The following EHMT1 variants were observed in gnomAD, a reference collection of about 807,000 sequenced individuals.
The protein encoded by EHMT1 is histone-lysine N-methyltransferase EHMT1.
In EHMT1, 15 loss-of-function variants were observed where a neutral mutation model predicts 147.2. The observed-to-expected ratio is 0.10, with a 90% confidence interval of 0.07 to 0.16. The LOEUF is 0.16. Among genes scored for constraint, EHMT1 ranks in the 10% least tolerant of loss-of-function variants. The pLI, the probability that EHMT1 is intolerant of heterozygous loss-of-function variation, is 1.00. For synonymous variants in EHMT1, 795 were observed against 709.6 expected (o/e 1.12, Z -1.91); for missense variants, 1,587 against 1,772.4 (o/e 0.90, Z 1.88).
chr9:137,718,427 C>T (rs1002502979), intron 3 of EHMT1, among the ~76,000 whole-genome samples: 4 of 152,244 alleles, frequency 2.6e-5, no homozygotes, highest in Admixed American at 2.0e-4. Context: ...TCTGACAGCA[C>T]TTTCTTGTCA....
chr9:137,737,893 TTAAA>T (rs1210547662), intron 4 of EHMT1, among the ~76,000 whole-genome samples: 1 of 152,140 alleles, frequency 6.6e-6, no homozygotes, highest in African/African-American at 2.4e-5. Context: ...AACAACTTGA[TTAAA>T]AAATCAGCAA....
In EHMT1 at chr9:137,796,783, T is replaced by C. The variant is rs1203416025; in HGVS notation, c.2506-2030T>C. Among the ~76,000 whole-genome samples the C allele has an allele frequency of 4.8e-5, 3 of 62,624 alleles. No homozygotes were observed. The Admixed American group carries it at 6.5e-4, about 14-fold the overall frequency. 41.1% of individuals were successfully genotyped at this position (62,624 alleles called of 152,430 possible). On this transcript the variant is annotated intron_variant, in intron 16 of 26. Transcript: ENST00000460843. The stretch of plus-strand genomic sequence containing the variant: ...AACGTGCAGTTCCCAGAAAAAGAAA[T>C]ACATGCATATGACCAACAAGCAGAT...
At chr9:137,718,760 C>CTTTTTT (rs780405612) in intron 3 of EHMT1, among the ~76,000 whole-genome samples, 13 of 136,292 alleles carry the variant, frequency 9.5e-5, no homozygotes, top group African/African-American at 2.0e-4. Context: ...TTTTCTTTTT[C>CTTTTTT]TTTTTTTTTT....
At chr9:137,821,961 A>T (rs1446366665) in intron 25 of EHMT1, among the ~76,000 whole-genome samples, 2 of 152,166 alleles carry the variant, frequency 1.3e-5, no homozygotes, top group African/African-American at 2.4e-5. Flanking sequence ...AATTAATTTA[A>T]ATACAGTAAA....
At position 137,823,349 on chromosome 9, in the gene EHMT1, C is replaced by T. The variant is rs546492994; in HGVS notation, c.3540+5211C>T. ...TCCTGACCTTGTGATCTGCCCATCT[C>T]GGCCTCCCAAAGTGCTGGGATTACA... On this transcript the variant is annotated intron_variant, in intron 25 of 26. Coordinates refer to ENST00000460843, the MANE Select transcript of EHMT1 (RefSeq NM_024757.5). 95 of 312,098 alleles carry T rather than the reference C, an allele frequency of 3.0e-4. 2 individuals are homozygous for T. In the East Asian group the frequency reaches 4.9e-3, roughly 16 times the overall value. The allele number at this position is 312,098 out of a possible 1,614,324, so 19.3% of individuals were successfully genotyped here. A position where few individuals can be genotyped will look rare whatever the true frequency, so the allele number is the denominator to read the frequency against.
chr9:137,654,796 T>C (rs1938258651), intron 1 of EHMT1, among the ~76,000 whole-genome samples: 1 of 152,108 alleles, frequency 6.6e-6, no homozygotes, highest in South Asian at 2.1e-4. Context: ...ACGTTAGAGC[T>C]GAACAGGGAA....
chr9:137,714,496 A>G (rs1945022471), intron 2 of EHMT1, among the ~76,000 whole-genome samples: 1 of 150,196 alleles, frequency 6.7e-6, no homozygotes, highest in Non-Finnish European at 1.5e-5. Flanking sequence ...TCATGGTTTA[A>G]TCCTCCTCAC....
intron 1 of EHMT1, among the ~76,000 whole-genome samples, chr9:137,619,511 C>T (rs1351145931): frequency 1.3e-5 from 2 of 152,120 alleles, no homozygotes; most frequent in East Asian, 3.9e-4. Flanking sequence ...GGAGCTCTTC[C>T]TTCGCTTCGT....
chr9:137,753,156 G>T (rs1029597222), intron 7 of EHMT1, among the ~76,000 whole-genome samples: 3 of 152,088 alleles, frequency 2.0e-5, no homozygotes, highest in Non-Finnish European at 2.9e-5. Context: ...TCTGTGCCGT[G>T]GGGGGAAAGC....
At chr9:137,715,757 T>TC in intron 2 of EHMT1, 1 of 985,404 alleles carries the variant, frequency 1.0e-6, no homozygotes, top group Non-Finnish European at 1.2e-6. Flanking sequence ...ACGGATGTGC[T>TC]CCAAGTATAA....
intron 25 of EHMT1, chr9:137,834,129 C>T: frequency 1.6e-6 from 1 of 626,006 alleles, no homozygotes; most frequent in Non-Finnish European, 2.8e-6. Flanking sequence ...AGACGGAGGC[C>T]CAGCGAGGAC....
In EHMT1 at chr9:137,639,009, GA is replaced by G; in HGVS notation, c.21+19966del. On this transcript the variant is annotated intron_variant, in intron 1 of 26. Transcript: ENST00000460843. Reference sequence around the variant, plus strand: ...ATTTCTATTGTTACATGTGTCCTAGGAAAAAACAGGCTGCTTCCTATAAATG... The same window carrying G: ...ATTTCTATTGTTACATGTGTCCTAGGAAAAACAGGCTGCTTCCTATAAATG... 2.0e-5 allele frequency among the ~76,000 whole-genome samples: 3 copies of G among 152,214 alleles called. No individual in the cohort carries two copies. In the Middle Eastern group the frequency reaches 0.01, roughly 518 times the overall value.
At chr9:137,702,403 A>T (rs1217325769) in intron 1 of EHMT1, among the ~76,000 whole-genome samples, 1 of 152,196 alleles carries the variant, frequency 6.6e-6, no homozygotes, top group African/African-American at 2.4e-5. Context: ...AAAAGGGAAA[A>T]ATTGACCAAA....
chr9:137,678,508 G>T (rs561297838), intron 1 of EHMT1, among the ~76,000 whole-genome samples: 8 of 152,122 alleles, frequency 5.3e-5, no homozygotes, highest in South Asian at 4.1e-4. Context: ...GCGTGCAGCC[G>T]TGCGTGTTCT....
chr9:137,816,225 T>C lies in EHMT1; in HGVS notation c.3374+163T>C, dbSNP rs930505838. ...ACCTGAGCCCTTTATCCTCTAGAAA[T>C]GTCACTTGTGCCATAAATCACGAGT... On this transcript the variant is annotated intron_variant, in intron 23 of 26. Transcript: ENST00000460843. 1.7e-5 allele frequency: 12 copies of C among 695,188 alleles called. No homozygotes were observed. The African/African-American group carries it at 1.9e-4, about 11-fold the overall frequency. 43.1% of individuals were successfully genotyped at this position (695,188 alleles called of 1,614,324 possible). A position where few individuals can be genotyped will look rare whatever the true frequency, so the allele number is the denominator to read the frequency against.
At chr9:137,650,658 A>AC (rs1220633391) in intron 1 of EHMT1, among the ~76,000 whole-genome samples, 3 of 129,248 alleles carry the variant, frequency 2.3e-5, no homozygotes, top group East Asian at 2.2e-4. Context: ...CAGATATAGG[A>AC]CCCCCCGCTT....
intron 1 of EHMT1, among the ~76,000 whole-genome samples, chr9:137,650,675 T>TTC (rs2133943185): frequency 6.7e-6 from 1 of 150,006 alleles, no homozygotes; most frequent in East Asian, 2.0e-4. Context: ...GCTTTTTTTT[T>TTC]TTTTTTTTTT....
At chr9:137,690,721 C>T (rs777440289) in intron 1 of EHMT1, among the ~76,000 whole-genome samples, 5 of 152,166 alleles carry the variant, frequency 3.3e-5, no homozygotes, top group Non-Finnish European at 7.3e-5. Flanking sequence ...AGGCGTGTGC[C>T]ACCACACCCA....
intron 1 of EHMT1, among the ~76,000 whole-genome samples, chr9:137,700,558 C>T (rs564666852): frequency 6.6e-6 from 1 of 152,270 alleles, no homozygotes; most frequent in East Asian, 1.9e-4. Flanking sequence ...AGGTGGGCCT[C>T]ATTAGTCCGC....
Sources: gnomAD v4.1 joint callset for allele counts (sites outside exome capture counted in the v4.1 genomes callset) on GRCh38, gnomAD v4.1.1 for gene constraint, MANE v1.5 for transcripts, NCBI Gene and HGNC (gene_info 2026-07-23, HGNC 2026-07-21) for gene names.